Variants in CA10 observed in about 807,000 individuals in gnomAD.
CA10 encodes the protein carbonic anhydrase-related protein 10.
A neutral mutation model predicts 44.2 loss-of-function variants in CA10; 14 were observed. The observed-to-expected ratio is 0.32, with a 90% confidence interval of 0.21 to 0.50. The LOEUF (loss-of-function observed/expected upper bound fraction) is 0.50, where lower values mean the gene tolerates loss of function less well. Ranked by LOEUF, CA10 falls within the 20% of genes least tolerant of loss-of-function variation. The pLI is 0.99. For synonymous variants in CA10, 159 were observed against 141.6 expected (o/e 1.12, Z -0.87); for missense variants, 350 against 409.7 (o/e 0.85, Z 1.26).
intron 3 of CA10, among the ~76,000 whole-genome samples, chr17:51,764,125 G>T (rs1434428867): frequency 6.6e-6 from 1 of 151,934 alleles, no homozygotes; most frequent in Non-Finnish European, 1.5e-5. Flanking sequence ...AAAAAAATGT[G>T]CATCTTAAAT....
chr17:51,954,392 T>C (rs1983591582), intron 2 of CA10, among the ~76,000 whole-genome samples: 1 of 152,166 alleles, frequency 6.6e-6, no homozygotes, highest in African/African-American at 2.4e-5. Flanking sequence ...ACTTGAGGCA[T>C]CCACTTCTTT....
chr17:51,646,236 A>T (rs1404917829), intron 6 of CA10, among the ~76,000 whole-genome samples: 1 of 152,144 alleles, frequency 6.6e-6, no homozygotes, highest in Non-Finnish European at 1.5e-5. Context: ...TAAACTGGGG[A>T]TGGCAATCAT....
At chr17:51,798,443 C>A (rs547337497) in intron 3 of CA10, among the ~76,000 whole-genome samples, 1 of 152,272 alleles carries the variant, frequency 6.6e-6, no homozygotes, top group Non-Finnish European at 1.5e-5. Flanking sequence ...TTCTGGTTTA[C>A]AATATCCCTA....
intron 1 of CA10, among the ~76,000 whole-genome samples, chr17:52,117,274 A>G (rs1358929062): frequency 6.6e-6 from 1 of 152,192 alleles, no homozygotes; most frequent in Non-Finnish European, 1.5e-5. Context: ...GACACCACGG[A>G]TTCCATTTTG....
At chr17:51,744,932 A>G (rs545316131) in intron 4 of CA10, among the ~76,000 whole-genome samples, 2 of 152,350 alleles carry the variant, frequency 1.3e-5, no homozygotes, top group South Asian at 4.1e-4. Flanking sequence ...CAGTTCGTCT[A>G]TAGACCCCTG....
At chr17:52,069,389 A>C (rs534408308) in intron 2 of CA10, among the ~76,000 whole-genome samples, 262 of 152,260 alleles carry the variant, frequency 1.7e-3, no homozygotes, top group African/African-American at 5.9e-3. Flanking sequence ...TGGAGGGCGA[A>C]TGTGCAAGCA....
At chr17:52,025,973 TATA>T (rs572522131) in intron 2 of CA10, among the ~76,000 whole-genome samples, 155 of 152,152 alleles carry the variant, frequency 1.0e-3, no homozygotes, top group Non-Finnish European at 1.8e-3. Context: ...AGTATATATG[TATA>T]ATGTGTATAT....
chr17:51,934,249 A>G (rs937373995), intron 2 of CA10, among the ~76,000 whole-genome samples: 2 of 152,136 alleles, frequency 1.3e-5, no homozygotes, highest in Non-Finnish European at 2.9e-5. Context: ...ATTTAAGGCC[A>G]TAGAGGCAGG....
intron 2 of CA10, among the ~76,000 whole-genome samples, chr17:52,018,511 C>A (rs1237331645): frequency 5.3e-5 from 8 of 152,078 alleles, no homozygotes. Flanking sequence ...TTGCATGGGG[C>A]TTGTTACTCC....
At chr17:51,930,132 A>AT (rs1459678002) in intron 3 of CA10, among the ~76,000 whole-genome samples, 1 of 57,678 alleles carries the variant, frequency 1.7e-5, no homozygotes, top group Non-Finnish European at 3.9e-5. Context: ...ACAGAGCCCA[A>AT]TGACCCAAAC....
At chr17:51,699,615 A>G (rs555757713) in intron 4 of CA10, among the ~76,000 whole-genome samples, 6 of 152,280 alleles carry the variant, frequency 3.9e-5, no homozygotes, top group Non-Finnish European at 7.3e-5. Flanking sequence ...TACAGAAAAA[A>G]TCTATTGCTT....
At chr17:52,154,302 A>G (rs1989760479) in intron 1 of CA10, among the ~76,000 whole-genome samples, 1 of 152,208 alleles carries the variant, frequency 6.6e-6, no homozygotes, top group Non-Finnish European at 1.5e-5. Context: ...TTTGGTTGCT[A>G]TATCTATAAG....
intron 3 of CA10, among the ~76,000 whole-genome samples, chr17:51,798,961 C>A (rs1567843417): frequency 6.6e-6 from 1 of 152,170 alleles, no homozygotes. Flanking sequence ...CAGTGAACAT[C>A]AAGGGGAGCC....
intron 3 of CA10, among the ~76,000 whole-genome samples, chr17:51,797,047 C>T (rs1459216711): frequency 2.6e-5 from 4 of 151,838 alleles, no homozygotes. Context: ...AGACCATCTG[C>T]CAGCTGTTTC....
intron 4 of CA10, among the ~76,000 whole-genome samples, chr17:51,738,294 G>A (rs765619892): frequency 1.3e-5 from 2 of 152,170 alleles, no homozygotes; most frequent in Non-Finnish European, 1.5e-5. Flanking sequence ...ATTTTGAATT[G>A]TAGAGCAGCA....
intron 2 of CA10, among the ~76,000 whole-genome samples, chr17:52,070,686 T>C (rs1987657586): frequency 6.6e-6 from 1 of 152,232 alleles, no homozygotes; most frequent in South Asian, 2.1e-4. Flanking sequence ...TATCAACATG[T>C]AAGGGGACAA....
intron 3 of CA10, among the ~76,000 whole-genome samples, chr17:51,815,108 C>G (rs140324827): frequency 4.6e-5 from 7 of 152,132 alleles, no homozygotes; most frequent in African/African-American, 1.7e-4. Flanking sequence ...CAGCTCCACC[C>G]CCGCCTCCTG....
chr17:52,117,515 C>T (rs1203573354), intron 1 of CA10, among the ~76,000 whole-genome samples: 2 of 152,048 alleles, frequency 1.3e-5, no homozygotes, highest in African/African-American at 4.8e-5. Flanking sequence ...AATTTTATAG[C>T]TACTGGATCT....
chr17:51,717,539 A>G (rs1164446547), intron 4 of CA10, among the ~76,000 whole-genome samples: 3 of 58,134 alleles, frequency 5.2e-5, no homozygotes, highest in Admixed American at 2.1e-4. Context: ...GTATATATAT[A>G]TATATATATA....
Sources: allele counts gnomAD v4.1 joint callset (sites outside exome capture counted in the v4.1 genomes callset), GRCh38; gene constraint gnomAD v4.1.1; transcripts MANE v1.5; gene names NCBI Gene and HGNC (gene_info 2026-07-23, HGNC 2026-07-21).